RETREG2: variants seen among roughly 807,000 people sequenced by gnomAD.
RETREG2 encodes the protein reticulophagy regulator 2.
A neutral mutation model predicts 51.6 loss-of-function variants in RETREG2; 21 were observed. That is an observed-to-expected ratio of 0.41 (90% confidence interval 0.29 to 0.59). The LOEUF is 0.59. Among genes scored for constraint, RETREG2 ranks in the 20% least tolerant of loss-of-function variants. The pLI is 0.34. For missense variants in RETREG2, 674 were observed against 646.0 expected, an observed-to-expected ratio of 1.04 and a Z score of -0.47; for synonymous variants, 339 against 288.6, an observed-to-expected ratio of 1.17 and a Z score of -1.77.
chr2:219,180,386 C>G (rs1250656370), intron 4 of RETREG2, 141 bp downstream of exon 4: 2 of 1,144,168 alleles, frequency 1.7e-6, no homozygotes, highest in African/African-American at 3.1e-5. Context: ...GCAACATTCA[C>G]AGCTAATCCC....
Position 219,182,837 on chromosome 2 carries a change from AAAT to A in RETREG2, c.*212_*214del. On this transcript the variant is annotated 3_prime_UTR_variant, in exon 9 of 9. Transcript: ENST00000430297. ...TGCCTAGGATTGGTTTTAAATTTGT[AAAT>A]AATTTTCCATTTGGGTTAGTGGATG... 1.6e-6 allele frequency: 1 copy of A among 618,492 alleles called. No homozygotes were observed. Among genetic ancestry groups the A allele is most frequent in the South Asian group, 2.1e-5 (1 of 48,702 alleles). The allele number at this position is 618,492 out of a possible 1,614,324, so 38.3% of individuals were successfully genotyped here. A position where few individuals can be genotyped will look rare whatever the true frequency, so the allele number is the denominator to read the frequency against.
At position 219,182,548 on chromosome 2, in the gene RETREG2, C is replaced by T. The variant is rs1950297715; in HGVS notation, c.1551C>T (p.Pro517=). Residue 517 remains proline, a synonymous_variant, in exon 9 of 9, where the codon CCC becomes CCT. Coordinates refer to ENST00000430297, the MANE Select transcript of RETREG2 (RefSeq NM_024293.6). The stretch of plus-strand genomic sequence containing the variant: ...TGGAGCCAGAGACACCGCCAAAACC[C>T]CCTGATGCTCCACCCCTGGGGCCCG... ...LGLEPETPPK[P]PDAPPLGPDI... 1.2e-6 allele frequency: 2 copies of T among 1,614,174 alleles called. No homozygotes were observed. The highest frequency in any genetic ancestry group is 1.3e-5 in the African/African-American group (1 of 75,032).
chr2:219,182,305 G>A lies in RETREG2; in HGVS notation c.1308G>A (p.Glu436=), dbSNP rs1247947007. 1 of 1,614,088 alleles carries A rather than the reference G, an allele frequency of 6.2e-7. No individual in the cohort carries two copies. The highest frequency in any genetic ancestry group is 8.5e-7 in the Non-Finnish European group (1 of 1,180,010). The change falls in exon 9 of 9, where the codon GAG becomes GAA. Residue 436 remains glutamate, a synonymous_variant. Transcript: ENST00000430297. ...PGGPVETLSP[E]TVSGGLTALP... ...GACCAGTGGAGACACTGAGCCCCGA[G>A]ACAGTGAGTGGTGGCCTCACTGCTC...
rs373239965 is a variant in RETREG2, at chr2:219,182,410, C to T, written c.1413C>T (p.Pro471=). The part of the protein sequence containing the change: ...APSPSILPPV[P]QDSPQPLPAP... Reference sequence around the variant, plus strand: ...CCCCTTCCATTCTCCCACCTGTTCCCCAGGACTCACCCCAGCCCCTGCCTG... The same window carrying T: ...CCCCTTCCATTCTCCCACCTGTTCCTCAGGACTCACCCCAGCCCCTGCCTG... Residue 471 remains proline, a synonymous_variant, in exon 9 of 9, where the codon CCC becomes CCT. Transcript: ENST00000430297. 6.2e-7 allele frequency: 1 copy of T among 1,613,970 alleles called. No homozygotes were observed. Among genetic ancestry groups the T allele is most frequent in the East Asian group, 2.2e-5 (1 of 44,876 alleles).
At chr2:219,181,940 C>G in intron 8 of RETREG2, 73 bp from the exon 9 acceptor site, 1 of 1,579,730 alleles carries the variant, frequency 6.3e-7, no homozygotes, top group East Asian at 2.2e-5. Flanking sequence ...AGTTCTCATC[C>G]TTGAACTCAT....
At chr2:219,180,534 C>T (rs1454691898) in intron 4 of RETREG2, 136 bp from the exon 5 acceptor site, 53 of 1,460,474 alleles carry the variant, frequency 3.6e-5, no homozygotes, top group South Asian at 5.2e-5. Context: ...TCTTGAGCAT[C>T]CTCTTAACCA....
chr2:219,181,878 A>G lies in RETREG2; in HGVS notation c.1015+103A>G. ...GGCCCACTCACTCTCTAATTCTCTC[A>G]GCTCCTAAAAGACCTTAACACCTAA... On this transcript the variant is annotated intron_variant, in intron 8 of 8. Transcript: ENST00000430297. 5 of 1,555,292 alleles carry G rather than the reference A, an allele frequency of 3.2e-6. No homozygotes were observed. In the South Asian group the frequency reaches 6.1e-5, roughly 19 times the overall value.
At position 219,184,825 on chromosome 2, in the gene RETREG2, G is replaced by GTTTTTTTTTTTTTTTTTTTTTTTTTTT. The variant is rs71040423; in HGVS notation, c.*2215_*2216insTTTTTTTTTTTTTTTTTTTTTTTTTTT. 4.0e-5 allele frequency: 4 copies of GTTTTTTTTTTTTTTTTTTTTTTTTTTT among 99,406 alleles called. 2 individuals carry two copies. Among genetic ancestry groups the GTTTTTTTTTTTTTTTTTTTTTTTTTTT allele is most frequent in the Non-Finnish European group, 3.9e-5 (2 of 51,898 alleles). The allele number at this position is 99,406 out of a possible 1,614,324, so 6.2% of individuals were successfully genotyped here. A position where few individuals can be genotyped will look rare whatever the true frequency, so the allele number is the denominator to read the frequency against. ...TGTTTTGGTTTTTTGTTTTTTGTGG[G>GTTTTTTTTTTTTTTTTTTTTTTTTTTT]TTTTTTTTTTTTTTTTTTTGAGACG... On this transcript the variant is annotated 3_prime_UTR_variant, in exon 9 of 9. Coordinates refer to ENST00000430297, the MANE Select transcript of RETREG2 (RefSeq NM_024293.6).
intron 4 of RETREG2, among the ~76,000 whole-genome samples, 157 bp downstream of exon 4, chr2:219,180,402 C>T (rs1249388504): frequency 6.6e-6 from 1 of 152,216 alleles, no homozygotes; most frequent in Non-Finnish European, 1.5e-5. Flanking sequence ...ATCCCTGGTG[C>T]AGGAGGCAGT....
chr2:219,181,683 C>T lies in RETREG2; in HGVS notation c.923C>T (p.Ser308Leu), dbSNP rs2106398910. 3 of 1,614,164 alleles carry T rather than the reference C, an allele frequency of 1.9e-6. No individual in the cohort carries two copies. Among genetic ancestry groups the T allele is most frequent in the Non-Finnish European group, 2.5e-6 (3 of 1,180,012 alleles). Residue 308 changes from serine to leucine, a missense_variant, in exon 8 of 9, where the codon TCA becomes TTA. Coordinates refer to ENST00000430297, the MANE Select transcript of RETREG2 (RefSeq NM_024293.6). The stretch of plus-strand genomic sequence containing the variant: ...GCATTGGCCTTGGCCATTACAGACT[C>T]AGAGCTGTCAGATGAGGAGGCTTCT... Reference protein sequence around the residue: ...KTALALAITDSELSDEEASIL... With the variant: ...KTALALAITDLELSDEEASIL...
Position 219,180,759 on chromosome 2 carries a change from G to A in RETREG2, c.640+5G>A. The A allele has an allele frequency of 6.2e-7, 1 of 1,614,084 alleles. No individual in the cohort carries two copies. Among genetic ancestry groups the A allele is most frequent in the Non-Finnish European group, 8.5e-7 (1 of 1,179,926 alleles). On this transcript the variant is annotated splice_donor_5th_base_variant and intron_variant, in intron 5 of 8. Coordinates refer to ENST00000430297, the MANE Select transcript of RETREG2 (RefSeq NM_024293.6). ...TTATGATTTCCTACATTGTCTGTGA[G>A]TAGGGTCTGTCCCTGCCCTATTTAA...
At position 219,182,071 on chromosome 2, in the gene RETREG2, G is replaced by A. The variant is rs746113284; in HGVS notation, c.1074G>A (p.Gly358=). The part of the protein sequence containing the change: ...EPEETLSRDL[G]EGEEGELAPP... The stretch of plus-strand genomic sequence containing the variant: ...AGGAGACCCTAAGCCGGGACCTAGG[G>A]GAGGGAGAGGAGGGAGAGCTGGCCC... Residue 358 remains glycine, a synonymous_variant, in exon 9 of 9, where the codon GGG becomes GGA. Transcript: ENST00000430297. 1 of 1,614,176 alleles carries A rather than the reference G, an allele frequency of 6.2e-7. No individual in the cohort carries two copies. Among genetic ancestry groups the A allele is most frequent in the Admixed American group, 1.7e-5 (1 of 60,014 alleles).
chr2:219,182,122 T>A lies in RETREG2; in HGVS notation c.1125T>A (p.Pro375=). 2 of 1,614,112 alleles carry A rather than the reference T, an allele frequency of 1.2e-6. No homozygotes were observed. Among genetic ancestry groups the A allele is most frequent in the Non-Finnish European group, 1.7e-6 (2 of 1,180,004 alleles). Residue 375 remains proline (P), a synonymous_variant, in exon 9 of 9, where the codon CCT becomes CCA. Transcript: ENST00000430297. ...CTCCCGAAGACCTACTAGGCCGTCC[T>A]CAAGCTCTGTCAAGGCAAGCCCTGG... ...LAPPEDLLGR[P]QALSRQALDS... is the part of the protein sequence containing the mutation.
rs1950314757 is a variant in RETREG2, at chr2:219,183,743, A to G, written c.*1114A>G. 1.3e-5 allele frequency: 2 copies of G among 152,210 alleles called. No individual in the cohort carries two copies. The highest frequency in any genetic ancestry group is 4.1e-4 in the South Asian group (2 of 4,834). 9.4% of individuals were successfully genotyped at this position (152,210 alleles called of 1,614,324 possible). A position where few individuals can be genotyped will look rare whatever the true frequency, so the allele number is the denominator to read the frequency against. On this transcript the variant is annotated 3_prime_UTR_variant, in exon 9 of 9. Transcript: ENST00000430297. ...AGGAGGAAATTGCTTTGTCTTCCCA[A>G]TCGGTAGAAATTCGGGACCATAAAA...
chr2:219,182,707 C>T lies in RETREG2; in HGVS notation c.*78C>T. The T allele has an allele frequency of 2.0e-6, 3 of 1,538,298 alleles. No individual in the cohort carries two copies. Among genetic ancestry groups the T allele is most frequent in the Non-Finnish European group, 1.8e-6 (2 of 1,135,718 alleles). On this transcript the variant is annotated 3_prime_UTR_variant, in exon 9 of 9. Transcript: ENST00000430297. The stretch of plus-strand genomic sequence containing the variant: ...TGTTGCTGTTTCCTCCTTTGCCTAC[C>T]ACTCTGGGGTGGGGCAGTGTGTGGG...
intron 5 of RETREG2, 26 bp from the exon 6 acceptor site, chr2:219,181,036 T>C (rs1950271007): frequency 6.2e-7 from 1 of 1,612,066 alleles, no homozygotes; most frequent in Admixed American, 1.7e-5. Context: ...CGTAGGGAGC[T>C]CTTAGTTCAC....
At chr2:219,179,617 T>G in intron 2 of RETREG2, 116 bp from the exon 3 acceptor site, 1 of 911,728 alleles carries the variant, frequency 1.1e-6, no homozygotes, top group Non-Finnish European at 1.8e-6. Context: ...AGCTCCCCCA[T>G]TGGCATCTGA....
At position 219,182,797 on chromosome 2, in the gene RETREG2, A is replaced by C. The variant is rs535041313; in HGVS notation, c.*168A>C. 2.8e-6 allele frequency: 2 copies of C among 717,036 alleles called. No homozygotes were observed. 44.4% of individuals were successfully genotyped at this position (717,036 alleles called of 1,614,324 possible). A position where few individuals can be genotyped will look rare whatever the true frequency, so the allele number is the denominator to read the frequency against. ...TGCCTGCCTGCCTGCTGTCCTGGGC[A>C]TGGTGCAGTACCTGTGCCTAGGATT... is the stretch of plus-strand genomic sequence containing the variant. On this transcript the variant is annotated 3_prime_UTR_variant, in exon 9 of 9. Transcript: ENST00000430297.
In RETREG2 at chr2:219,178,648, G is replaced by T; in HGVS notation, c.281+15G>T. On this transcript the variant is annotated intron_variant, in intron 1 of 8. Transcript: ENST00000430297. ...GGCCTCTTCTGGTAACGGCCGCGGA[G>T]GAGGGGGCGGGGCCGGGATGAGCGG... 1 of 1,438,802 alleles carries T rather than the reference G, an allele frequency of 7.0e-7. No individual in the cohort carries two copies. Among genetic ancestry groups the T allele is most frequent in the East Asian group, 2.8e-5 (1 of 35,432 alleles). The allele number at this position is 1,438,802 out of a possible 1,614,324, so 89.1% of individuals were successfully genotyped here.
Sources: gnomAD v4.1 joint callset for allele counts (sites outside exome capture counted in the v4.1 genomes callset) on GRCh38, gnomAD v4.1.1 for gene constraint, MANE v1.5 for transcripts, NCBI Gene and HGNC (gene_info 2026-07-23, HGNC 2026-07-21) for gene names.